Variants in CACNA1C observed in about 807,000 individuals in gnomAD.
CACNA1C encodes voltage-dependent L-type calcium channel subunit alpha-1C.
A neutral mutation model predicts 229.0 loss-of-function variants in CACNA1C; 30 were observed. The observed-to-expected ratio is 0.13, with a 90% CI of 0.10 to 0.18. CACNA1C has a LOEUF of 0.18. CACNA1C is among the 10% of genes least tolerant of loss of function. CACNA1C has a pLI of 1.00. For synonymous variants in CACNA1C, 1,114 were observed against 1,132.5 expected, an observed-to-expected ratio of 0.98 and a Z score of 0.33; for missense variants, 1,658 against 2,845.0, an observed-to-expected ratio of 0.58 and a Z score of 9.49.
At chr12:2,027,066 G>T (rs1320746201) in intron 1 of CACNA1C, among the ~76,000 whole-genome samples, 2 of 152,166 alleles carry the variant, frequency 1.3e-5, no homozygotes, top group African/African-American at 4.8e-5. Flanking sequence ...AATTAAAATG[G>T]TTATTTTTTT....
intron 1 of CACNA1C, among the ~76,000 whole-genome samples, chr12:2,091,933 C>T (rs1244078903): frequency 6.6e-6 from 1 of 152,180 alleles, no homozygotes; most frequent in East Asian, 1.9e-4. Flanking sequence ...GGCTTGCTTT[C>T]TCTGAGCTCC....
chr12:2,507,382 C>T (rs186293511), intron 8 of CACNA1C, among the ~76,000 whole-genome samples: 4 of 152,274 alleles, frequency 2.6e-5, no homozygotes, highest in African/African-American at 7.2e-5. Context: ...TGGTTGCCCC[C>T]GCCCCATGCA....
At chr12:2,685,199 T>C (rs956396537) in intron 43 of CACNA1C, among the ~76,000 whole-genome samples, 1 of 151,512 alleles carries the variant, frequency 6.6e-6, no homozygotes, top group Non-Finnish European at 1.5e-5. Context: ...CTGGAAGCCA[T>C]AGACTAGATG....
At chr12:2,683,387 G>A (rs1227871196) in intron 43 of CACNA1C, among the ~76,000 whole-genome samples, 2 of 152,192 alleles carry the variant, frequency 1.3e-5, no homozygotes, top group Non-Finnish European at 2.9e-5. Context: ...CACATCCACA[G>A]AAGTTTGAGA....
intron 9 of CACNA1C, among the ~76,000 whole-genome samples, chr12:2,546,212 G>C (rs2099880641): frequency 6.6e-6 from 1 of 152,090 alleles, no homozygotes; most frequent in Admixed American, 6.5e-5. Flanking sequence ...TGCAGTTGCT[G>C]GTGTCTTCAC....
At chr12:2,253,485 C>G (rs1285631695) in intron 3 of CACNA1C, among the ~76,000 whole-genome samples, 1 of 152,226 alleles carries the variant, frequency 6.6e-6, no homozygotes, top group East Asian at 1.9e-4. Flanking sequence ...GCTCTGGGTA[C>G]AGTGGAGGCC....
At chr12:2,263,024 G>GTGGA (rs1406987244) in intron 3 of CACNA1C, among the ~76,000 whole-genome samples, 1 of 152,218 alleles carries the variant, frequency 6.6e-6, no homozygotes, top group Non-Finnish European at 1.5e-5. Flanking sequence ...ATTAGACACA[G>GTGGA]TGGAGGGATG....
chr12:2,205,298 C>A (rs1295981821), intron 3 of CACNA1C, among the ~76,000 whole-genome samples: 1 of 152,192 alleles, frequency 6.6e-6, no homozygotes, highest in Non-Finnish European at 1.5e-5. Flanking sequence ...GGTGTCCACA[C>A]TTGGCTGTGG....
chr12:2,581,861 G>A (rs1163384961), intron 14 of CACNA1C, 64 bp downstream of exon 14: 1 of 1,041,234 alleles, frequency 9.6e-7, no homozygotes, highest in Non-Finnish European at 1.5e-6. Context: ...GGTGGGAGGA[G>A]TGTGGGAAGC....
intron 3 of CACNA1C, among the ~76,000 whole-genome samples, chr12:2,136,681 C>T (rs1007208959): frequency 6.6e-6 from 1 of 150,978 alleles, no homozygotes; most frequent in African/African-American, 2.4e-5. Flanking sequence ...GCCATGGAGC[C>T]CCCAGGCCAT....
intron 3 of CACNA1C, among the ~76,000 whole-genome samples, chr12:2,370,319 T>A (rs2154538627): frequency 6.6e-6 from 1 of 152,350 alleles, no homozygotes; most frequent in South Asian, 2.1e-4. Flanking sequence ...CTTTGAAATG[T>A]TCATACCCTA....
At chr12:2,229,537 AAC>A (rs1437466544) in intron 3 of CACNA1C, among the ~76,000 whole-genome samples, 2 of 152,178 alleles carry the variant, frequency 1.3e-5, no homozygotes, top group African/African-American at 2.4e-5. Context: ...AAATAAGTTA[AAC>A]ACACTTTGTT....
At chr12:2,629,516 A>G (rs1271759152) in intron 29 of CACNA1C, among the ~76,000 whole-genome samples, 1 of 152,216 alleles carries the variant, frequency 6.6e-6, no homozygotes, top group Non-Finnish European at 1.5e-5. Flanking sequence ...CTTTGGATGC[A>G]TGGTCTCCTT....
chr12:2,104,636 C>G (rs1270751205), intron 1 of CACNA1C, among the ~76,000 whole-genome samples: 1 of 152,172 alleles, frequency 6.6e-6, no homozygotes, highest in East Asian at 1.9e-4. Flanking sequence ...AGAGGGCATC[C>G]TTGTCTTGTG....
intron 1 of CACNA1C, among the ~76,000 whole-genome samples, chr12:2,097,887 G>T (rs2074899684): frequency 6.6e-6 from 1 of 152,250 alleles, no homozygotes; most frequent in African/African-American, 2.4e-5. Context: ...ACAACTGGGA[G>T]TGGGGGATGA....
intron 19 of CACNA1C, among the ~76,000 whole-genome samples, chr12:2,594,328 C>G (rs1320417535): frequency 2.0e-5 from 3 of 152,220 alleles, no homozygotes; most frequent in Non-Finnish European, 1.5e-5. Flanking sequence ...AATTGGACAT[C>G]TGTTAGACAT....
intron 22 of CACNA1C, among the ~76,000 whole-genome samples, chr12:2,603,043 G>A (rs1430935460): frequency 6.6e-6 from 1 of 152,122 alleles, no homozygotes; most frequent in Non-Finnish European, 1.5e-5. Context: ...GTGTTTTCAT[G>A]GTTGGCTGAG....
At chr12:2,496,810 C>T (rs1164311421) in intron 7 of CACNA1C, among the ~76,000 whole-genome samples, 1 of 152,132 alleles carries the variant, frequency 6.6e-6, no homozygotes, top group East Asian at 1.9e-4. Flanking sequence ...AGGGTGGATA[C>T]CGGGGATTTG....
intron 3 of CACNA1C, among the ~76,000 whole-genome samples, chr12:2,353,480 G>A (rs952443406): frequency 3.0e-4 from 45 of 152,230 alleles, no homozygotes; most frequent in African/African-American, 1.0e-3. Context: ...GGGAAGAAGA[G>A]CACTTAGTTT....
Sources: allele counts gnomAD v4.1 joint callset (sites outside exome capture counted in the v4.1 genomes callset), GRCh38; gene constraint gnomAD v4.1.1; transcripts MANE v1.5; gene names NCBI Gene and HGNC (gene_info 2026-07-23, HGNC 2026-07-21).